CCDC39: variants seen among roughly 807,000 people sequenced by gnomAD.
CCDC39 encodes the protein coiled-coil domain-containing protein 39.
CCDC39 carries 113 observed loss-of-function variants against 121.0 expected under a neutral mutation model. That is an observed-to-expected ratio of 0.93 (90% CI 0.80 to 1.09). The LOEUF (loss-of-function observed/expected upper bound fraction) is 1.09, where lower values mean the gene tolerates loss of function less well. Ranked by LOEUF, CCDC39 falls within the 50% of genes least tolerant of loss-of-function variation. The pLI is 0.00. For missense variants in CCDC39, 1,063 were observed against 1,074.7 expected (o/e 0.99, Z 0.15); for synonymous variants, 349 against 352.2 (o/e 0.99, Z 0.10).
At chr3:180,617,105 A>C in intron 16 of CCDC39, 139 bp from the exon 17 acceptor site, 1 of 574,206 alleles carries the variant, frequency 1.7e-6, no homozygotes, top group Non-Finnish European at 3.0e-6. Context: ...GTACCTCTTA[A>C]TGACATCTCG....
chr3:180,621,142 AC>A (rs1355210510), intron 14 of CCDC39, among the ~76,000 whole-genome samples: 1 of 152,120 alleles, frequency 6.6e-6, no homozygotes, highest in African/African-American at 2.4e-5. Flanking sequence ...CATATATACC[AC>A]ATTTTCTTGA....
Position 180,614,583 on chromosome 3 carries a change from T to C in CCDC39, c.*338A>G. 1 of 203,862 alleles carries C rather than the reference T, an allele frequency of 4.9e-6. No individual in the cohort carries two copies. The highest frequency in any genetic ancestry group is 1.5e-4 in the East Asian group (1 of 6,556). 12.6% of individuals were successfully genotyped at this position (203,862 alleles called of 1,614,324 possible). On this transcript the variant is annotated 3_prime_UTR_variant, in exon 20 of 20. Transcript: ENST00000476379. ...AGTACAGTAAATCTTTAGAAATTTC[T>C]TCTTGAAAGATTGTTACATTAGAAG...
chr3:180,636,213 T>G (rs1717824423), intron 13 of CCDC39, among the ~76,000 whole-genome samples: 1 of 152,168 alleles, frequency 6.6e-6, no homozygotes, highest in Admixed American at 6.5e-5. Context: ...CCCCATAGTC[T>G]CAGCCCAAAA....
At position 180,677,165 on chromosome 3, in the gene CCDC39, A is replaced by ATT. The variant is rs1246281842; in HGVS notation, c.90+2124_90+2125dup. 4.7e-4 allele frequency among the ~76,000 whole-genome samples: 22 copies of ATT among 46,758 alleles called. 1 individual carries two copies. The highest frequency in any genetic ancestry group is 1.6e-3 in the South Asian group (2 of 1,268). The allele number at this position is 46,758 out of a possible 152,430, so 30.7% of individuals were successfully genotyped here. On this transcript the variant is annotated intron_variant, in intron 1 of 19. Coordinates refer to ENST00000476379, the MANE Select transcript of CCDC39 (RefSeq NM_181426.2). The stretch of plus-strand genomic sequence containing the variant: ...TATTATAATAATAATAATAATAATA[A>ATT]TTTTATATATATATATATATATATA...
In CCDC39 at chr3:180,652,189, C is replaced by T. The variant is rs79329972; in HGVS notation, c.1008G>A (p.Lys336=). Residue 336 remains lysine, a synonymous_variant, in exon 8 of 20, where the codon AAG becomes AAA. Transcript: ENST00000476379. ...TTGCTGTTTCTTCATGAATGTCCTT[C>T]TTTATCTTGGAAATATTTTTCCTCA... ...EALRKNISKI[K]KDIHEETARL... The T allele has an allele frequency of 2.1e-3, 3,173 of 1,528,792 alleles. 54 individuals carry two copies. In the East Asian group the frequency reaches 0.043, roughly 21 times the overall value. 94.7% of individuals were successfully genotyped at this position (1,528,792 alleles called of 1,614,324 possible). A position where few individuals can be genotyped will look rare whatever the true frequency, so the allele number is the denominator to read the frequency against.
chr3:180,617,190 G>T (rs910076177), intron 16 of CCDC39, among the ~76,000 whole-genome samples: 1 of 152,036 alleles, frequency 6.6e-6, no homozygotes, highest in Non-Finnish European at 1.5e-5. Flanking sequence ...GTTACCTAGC[G>T]ACATTGTAAT....
intron 11 of CCDC39, 71 bp from the exon 12 acceptor site, chr3:180,644,328 T>TTA (rs1328843955): frequency 3.4e-6 from 3 of 874,930 alleles, no homozygotes; most frequent in Non-Finnish European, 1.7e-6. Context: ...ACATGCTGTA[T>TTA]TATATATATC....
intron 14 of CCDC39, among the ~76,000 whole-genome samples, chr3:180,630,236 T>C (rs1717663225): frequency 6.6e-6 from 1 of 152,100 alleles, no homozygotes; most frequent in East Asian, 1.9e-4. Flanking sequence ...CCTAAAAAAT[T>C]AGAGCCTACC....
intron 1 of CCDC39, among the ~76,000 whole-genome samples, chr3:180,666,360 A>G (rs1711877244): frequency 1.3e-5 from 2 of 152,142 alleles, no homozygotes; most frequent in Non-Finnish European, 2.9e-5. Context: ...TTTAAGGTGT[A>G]TGTTATCTAT....
chr3:180,645,738 A>G (rs1718053312), intron 11 of CCDC39, among the ~76,000 whole-genome samples: 1 of 152,158 alleles, frequency 6.6e-6, no homozygotes, highest in South Asian at 2.1e-4. Context: ...AGCTCTTCAT[A>G]ATGACCAAAG....
chr3:180,679,234 GAA>G lies in CCDC39; in HGVS notation c.90+55_90+56del. ...AGGGCTGGGGTAGTACTGCCAACCA[GAA>G]AACGCCCCCAACAGGCTCTCTCTGC... is the stretch of plus-strand genomic sequence containing the variant. On this transcript the variant is annotated intron_variant, in intron 1 of 19. Coordinates refer to ENST00000476379, the MANE Select transcript of CCDC39 (RefSeq NM_181426.2). The surrounding 1 kb of genome is among the most constrained non-coding windows in gnomAD (Gnocchi z 4.0). 7.0e-7 allele frequency: 1 copy of G among 1,418,800 alleles called. No individual in the cohort carries two copies. The allele number at this position is 1,418,800 out of a possible 1,614,324, so 87.9% of individuals were successfully genotyped here. A position where few individuals can be genotyped will look rare whatever the true frequency, so the allele number is the denominator to read the frequency against.
chr3:180,654,694 A>C, intron 7 of CCDC39, 68 bp downstream of exon 7: 1 of 972,290 alleles, frequency 1.0e-6, no homozygotes, highest in Non-Finnish European at 1.4e-6. Flanking sequence ...GAAAAGCTTT[A>C]TGCTTATTTT....
In CCDC39 at chr3:180,651,037, A is replaced by C. The variant is rs571979332; in HGVS notation, c.1167+364T>G. On this transcript the variant is annotated intron_variant, in intron 9 of 19. Coordinates refer to ENST00000476379, the MANE Select transcript of CCDC39 (RefSeq NM_181426.2). ...TGGCGAAACCCCATCTCTACTAAAAATACAAAAATTAGCCAGGCGTGGTTG... is the reference window on the plus strand; with the variant it reads ...TGGCGAAACCCCATCTCTACTAAAACTACAAAAATTAGCCAGGCGTGGTTG... Among the ~76,000 whole-genome samples, 46 of 152,026 alleles carry C rather than the reference A, an allele frequency of 3.0e-4. 1 individual carries two copies. The South Asian group carries it at 9.4e-3, about 31-fold the overall frequency.
In CCDC39 at chr3:180,642,180, G is replaced by T; in HGVS notation, c.1687C>A (p.Leu563Ile). The T allele has an allele frequency of 6.2e-7, 1 of 1,602,822 alleles. No homozygotes were observed. Among genetic ancestry groups the T allele is most frequent in the Non-Finnish European group, 8.5e-7 (1 of 1,173,454 alleles). The change falls in exon 13 of 20, where the codon CTT (leucine) becomes ATT (isoleucine). Residue 563 changes from leucine (L) to isoleucine (I), a missense_variant. Physicochemically the swap from Leu to Ile is conservative, Grantham distance 5. Transcript: ENST00000476379. ...GTACGCTTAACTTCAAGTTTTAAAA[G>T]ATTGTCCTCTATCATCAAATCCTAT... is the stretch of plus-strand genomic sequence containing the variant. ...FKQDLMIEDN[L>I]LKLEVKRTRE...
intron 9 of CCDC39, among the ~76,000 whole-genome samples, chr3:180,649,719 C>A (rs1027966547): frequency 1.0e-4 from 12 of 115,284 alleles, no homozygotes; most frequent in Admixed American, 5.7e-4. Flanking sequence ...GCTAAAAAAA[C>A]AATCGGTACA....
intron 11 of CCDC39, 109 bp from the exon 12 acceptor site, chr3:180,644,366 T>G: frequency 1.6e-6 from 1 of 621,334 alleles, no homozygotes. Flanking sequence ...CTCAGATATT[T>G]AAAATAATCC....
intron 16 of CCDC39, among the ~76,000 whole-genome samples, chr3:180,618,337 A>C (rs370344626): frequency 4.6e-5 from 7 of 152,276 alleles, no homozygotes; most frequent in African/African-American, 1.7e-4. Context: ...AAATCATGGA[A>C]TCTGCAAAGA....
In CCDC39 at chr3:180,661,910, C is replaced by T. The variant is rs766541691; in HGVS notation, c.308G>A (p.Arg103Gln). 14 of 1,587,476 alleles carry T rather than the reference C, an allele frequency of 8.8e-6. No homozygotes were observed. The highest frequency in any genetic ancestry group is 4.5e-5 in the East Asian group (2 of 44,140). Residue 103 changes from arginine (R) to glutamine (Q), a missense_variant, in exon 3 of 20, where the codon CGG becomes CAG. Coordinates refer to ENST00000476379, the MANE Select transcript of CCDC39 (RefSeq NM_181426.2). ...ELGRVKDEIQ[R>Q]LENEMASILE... ...TATTGAAGCCATCTCATTTTCCAGC[C>T]GTTGAATTTCATCTTTCACTCGTCC...
chr3:180,621,526 ATTTG>A lies in CCDC39; in HGVS notation c.1999-1560_1999-1557del, dbSNP rs1469588640. Among the ~76,000 whole-genome samples the A allele has an allele frequency of 4.0e-5, 6 of 151,818 alleles. No individual in the cohort carries two copies. The East Asian group carries it at 1.2e-3, about 29-fold the overall frequency. On this transcript the variant is annotated intron_variant, in intron 14 of 19. Transcript: ENST00000476379. ...GCATTTTTTCATATTCTTCTTGGCC[ATTTG>A]TTTGTCTTCTTTTGAAAAATGCCTA...
Sources: gnomAD v4.1 joint callset for allele counts (sites outside exome capture counted in the v4.1 genomes callset) on GRCh38, gnomAD v4.1.1 for gene constraint, Gnocchi (gnomAD v3.1) non-coding constraint, MANE v1.5 for transcripts, NCBI Gene and HGNC (gene_info 2026-07-23, HGNC 2026-07-21) for gene names.